The following DYNC1I1 variants were observed in gnomAD, a reference collection of about 807,000 sequenced individuals.
The protein encoded by DYNC1I1 is cytoplasmic dynein 1 intermediate chain 1.
DYNC1I1 carries 43 observed loss-of-function variants against 86.6 expected under a neutral mutation model. That is an observed-to-expected ratio of 0.50 (90% CI 0.39 to 0.64). DYNC1I1 has a LOEUF of 0.64. DYNC1I1 is among the 30% of genes least tolerant of loss of function. The pLI is 0.00. For synonymous variants in DYNC1I1, 262 were observed against 283.7 expected (o/e 0.92, Z 0.77); for missense variants, 604 against 788.8 (o/e 0.77, Z 2.81).
intron 5 of DYNC1I1, among the ~76,000 whole-genome samples, chr7:95,867,539 A>G (rs548804702): frequency 1.3e-5 from 2 of 152,300 alleles, no homozygotes; most frequent in Admixed American, 6.5e-5. Flanking sequence ...TCAGTCCGCC[A>G]TGGTGGAGTA....
At chr7:95,821,569 A>G (rs1387085290) in intron 4 of DYNC1I1, among the ~76,000 whole-genome samples, 2 of 152,208 alleles carry the variant, frequency 1.3e-5, no homozygotes, top group Non-Finnish European at 2.9e-5. Flanking sequence ...GACTATGCCA[A>G]GAAGGAGCCA....
At chr7:96,054,035 T>C (rs1789491018) in intron 14 of DYNC1I1, among the ~76,000 whole-genome samples, 1 of 152,180 alleles carries the variant, frequency 6.6e-6, no homozygotes, top group Admixed American at 6.5e-5. Flanking sequence ...GTTTGTTACA[T>C]AGGTGCCATA....
chr7:96,041,168 G>C (rs1789036787), intron 14 of DYNC1I1, among the ~76,000 whole-genome samples: 1 of 152,156 alleles, frequency 6.6e-6, no homozygotes, highest in African/African-American at 2.4e-5. Context: ...GCAGCTTCAT[G>C]GGTATTAATG....
chr7:96,068,795 A>G (rs1032323736), intron 14 of DYNC1I1, among the ~76,000 whole-genome samples: 1 of 151,550 alleles, frequency 6.6e-6, no homozygotes, highest in Non-Finnish European at 1.5e-5. Context: ...TTGTGTGTAT[A>G]TGTACATATG....
chr7:95,926,875 C>G (rs1225653629), intron 6 of DYNC1I1, among the ~76,000 whole-genome samples: 1 of 152,114 alleles, frequency 6.6e-6, no homozygotes, highest in African/African-American at 2.4e-5. Context: ...TGTCGTCCCT[C>G]CCATATCATA....
rs942991571 is a variant in DYNC1I1, at chr7:95,772,629, C to A, written c.-154C>A. 8 of 152,298 alleles carry A rather than the reference C, an allele frequency of 5.3e-5. No individual in the cohort carries two copies. Among genetic ancestry groups the A allele is most frequent in the Admixed American group, 5.2e-4 (8 of 15,298 alleles). 9.4% of individuals were successfully genotyped at this position (152,298 alleles called of 1,614,324 possible). A position where few individuals can be genotyped will look rare whatever the true frequency, so the allele number is the denominator to read the frequency against. The stretch of plus-strand genomic sequence containing the variant: ...GTGATCGCTCCCGGAGGAGCGCGAG[C>A]CGAGCGGCCGGCGCAGCGTGAGACA... On this transcript the variant is annotated 5_prime_UTR_variant, in exon 1 of 17. Transcript: ENST00000447467.
intron 6 of DYNC1I1, among the ~76,000 whole-genome samples, chr7:95,973,476 G>A (rs1793226202): frequency 6.6e-6 from 1 of 152,132 alleles, no homozygotes; most frequent in African/African-American, 2.4e-5. Flanking sequence ...GTTTTTCACA[G>A]TTTCTCATTA....
At position 95,804,662 on chromosome 7, in the gene DYNC1I1, A is replaced by G. The variant is rs539047022; in HGVS notation, c.-9-59A>G. ...GCATTTTCTTTAAAATGATTTTTGC[A>G]ATGATATACAGAAAAGTTATTTATA... On this transcript the variant is annotated intron_variant, in intron 1 of 16. Coordinates refer to ENST00000447467, the MANE Select transcript of DYNC1I1 (RefSeq NM_001135556.2). The G allele has an allele frequency of 9.7e-6, 14 of 1,450,480 alleles. No individual in the cohort carries two copies. The African/African-American group carries it at 2.0e-4, about 21-fold the overall frequency. 89.9% of individuals were successfully genotyped at this position (1,450,480 alleles called of 1,614,324 possible).
Position 96,107,869 on chromosome 7 carries a change from GTT to G in DYNC1I1, c.1543-2090_1543-2089del, listed in dbSNP as rs1178550637. On this transcript the variant is annotated intron_variant, in intron 16 of 16. Transcript: ENST00000537881. Reference sequence around the variant, plus strand: ...CGGTTTTATCAGTTTTCATTGACAGGTTTTTTTTTTTTTTTTTTTTTGGAGTA... The same window carrying G: ...CGGTTTTATCAGTTTTCATTGACAGGTTTTTTTTTTTTTTTTTTTGGAGTA... 5.9e-3 allele frequency among the ~76,000 whole-genome samples: 702 copies of G among 119,042 alleles called. 4 individuals carry two copies. The highest frequency in any genetic ancestry group is 0.02 in the African/African-American group (648 of 31,758). The allele number at this position is 119,042 out of a possible 152,430, so 78.1% of individuals were successfully genotyped here.
intron 10 of DYNC1I1, among the ~76,000 whole-genome samples, chr7:96,005,136 C>T (rs996387123): frequency 6.6e-6 from 1 of 152,120 alleles, no homozygotes; most frequent in Non-Finnish European, 1.5e-5. Context: ...GTATGGGATT[C>T]GACAGCCAAT....
intron 6 of DYNC1I1, among the ~76,000 whole-genome samples, chr7:95,970,808 C>T (rs1161507798): frequency 3.9e-5 from 6 of 152,128 alleles, no homozygotes; most frequent in Non-Finnish European, 7.4e-5. Context: ...ACTAATTTTA[C>T]ACGGTATGAG....
intron 6 of DYNC1I1, among the ~76,000 whole-genome samples, chr7:95,958,909 T>C (rs966404271): frequency 2.0e-5 from 3 of 152,174 alleles, no homozygotes; most frequent in African/African-American, 7.2e-5. Context: ...CTTGAGGAGT[T>C]TTAAGCATAG....
chr7:96,074,839 G>C (rs763556029), intron 14 of DYNC1I1, among the ~76,000 whole-genome samples: 3 of 152,152 alleles, frequency 2.0e-5, no homozygotes, highest in Non-Finnish European at 4.4e-5. Context: ...GGATTTGATT[G>C]TTCATATTGC....
intron 6 of DYNC1I1, among the ~76,000 whole-genome samples, chr7:95,872,451 G>A (rs1790198018): frequency 6.6e-6 from 1 of 152,112 alleles, no homozygotes; most frequent in African/African-American, 2.4e-5. Context: ...GCCTCTAATG[G>A]ATTCTAGTGC....
chr7:95,954,046 T>C (rs570434929), intron 6 of DYNC1I1, among the ~76,000 whole-genome samples: 1 of 151,884 alleles, frequency 6.6e-6, no homozygotes, highest in Non-Finnish European at 1.5e-5. Context: ...GAAACAGCCC[T>C]GTGAACGCTG....
At chr7:96,013,687 G>A (rs1794333332) in intron 10 of DYNC1I1, among the ~76,000 whole-genome samples, 1 of 152,122 alleles carries the variant, frequency 6.6e-6, no homozygotes, top group South Asian at 2.1e-4. Context: ...TTGAACTCCT[G>A]GGCTCAAGTG....
intron 6 of DYNC1I1, among the ~76,000 whole-genome samples, chr7:95,970,791 G>T (rs1793146734): frequency 1.3e-5 from 2 of 152,132 alleles, no homozygotes; most frequent in African/African-American, 2.4e-5. Flanking sequence ...AGAGATAGAT[G>T]CAAAAAACTA....
intron 9 of DYNC1I1, among the ~76,000 whole-genome samples, chr7:95,993,255 G>C (rs1362418804): frequency 1.3e-5 from 2 of 152,170 alleles, no homozygotes; most frequent in African/African-American, 4.8e-5. Context: ...TATGATCTCA[G>C]TTATAGAAAT....
At chr7:95,933,700 G>A (rs1791963622) in intron 6 of DYNC1I1, among the ~76,000 whole-genome samples, 1 of 152,090 alleles carries the variant, frequency 6.6e-6, no homozygotes, top group African/African-American at 2.4e-5. Flanking sequence ...ACTGAAGGCA[G>A]TGACACATTT....
Sources: gnomAD v4.1 joint callset for allele counts (sites outside exome capture counted in the v4.1 genomes callset) on GRCh38, gnomAD v4.1.1 for gene constraint, MANE v1.5 for transcripts, NCBI Gene and HGNC (gene_info 2026-07-23, HGNC 2026-07-21) for gene names.